The following SLC35F5 variants were observed in gnomAD, a reference collection of about 807,000 sequenced individuals.
SLC35F5 encodes the protein solute carrier family 35 member F5.
In SLC35F5, 54 loss-of-function variants were observed where a neutral mutation model predicts 68.6. That is an observed-to-expected ratio of 0.79 (90% CI 0.63 to 0.99). The LOEUF (loss-of-function observed/expected upper bound fraction) is 0.99, where lower values mean the gene tolerates loss of function less well. Ranked by LOEUF, SLC35F5 falls within the 50% of genes least tolerant of loss-of-function variation. The pLI, the probability that SLC35F5 is intolerant of heterozygous loss-of-function variation, is 0.00. For missense variants in SLC35F5, 567 were observed against 626.9 expected, an observed-to-expected ratio of 0.90 and a Z score of 1.02; for synonymous variants, 211 against 205.2, an observed-to-expected ratio of 1.03 and a Z score of -0.24.
intron 4 of SLC35F5, among the ~76,000 whole-genome samples, chr2:113,748,461 C>T (rs1676602643): frequency 2.0e-5 from 3 of 152,152 alleles, no homozygotes; most frequent in Admixed American, 2.0e-4. Flanking sequence ...GATACCGCAC[C>T]AGGCCCAATT....
At position 113,717,770 on chromosome 2, in the gene SLC35F5, G is replaced by T. The variant is rs1264886797; in HGVS notation, c.*5C>A. The T allele has an allele frequency of 1.9e-6, 3 of 1,610,520 alleles. No individual in the cohort carries two copies. In the African/African-American group the frequency reaches 4.0e-5, roughly 22 times the overall value. ...ATACAAACCTGGGCTACAGACAACA[G>T]ACAGCTAACTAGCTCCATCCTCCTG... On this transcript the variant is annotated 3_prime_UTR_variant, in exon 15 of 16. Transcript: ENST00000245680.
At chr2:113,729,294 C>T in intron 11 of SLC35F5, 107 bp downstream of exon 11, 1 of 578,932 alleles carries the variant, frequency 1.7e-6, no homozygotes, top group East Asian at 3.1e-5. Context: ...TTTAAAGAAT[C>T]ATACGGAAGA....
At chr2:113,754,305 G>GA (rs375660155) in intron 3 of SLC35F5, among the ~76,000 whole-genome samples, 6,400 of 117,368 alleles carry the variant, frequency 0.055, 293 homozygotes, top group African/African-American at 0.15. Context: ...AAAAAAAAAA[G>GA]AAAAAAAAAA....
intron 15 of SLC35F5, among the ~76,000 whole-genome samples, chr2:113,716,288 TCA>T (rs1313107714): frequency 9.2e-5 from 14 of 152,198 alleles, no homozygotes; most frequent in Admixed American, 7.2e-4. Flanking sequence ...CTCTTACTTT[TCA>T]CAGTTGGCCA....
chr2:113,747,452 G>C lies in SLC35F5; in HGVS notation c.418-1113C>G, dbSNP rs73955064. Among the ~76,000 whole-genome samples, 602 of 152,238 alleles carry C rather than the reference G, an allele frequency of 4.0e-3. 8 individuals are homozygous for C. Among genetic ancestry groups the C allele is most frequent in the African/African-American group, 0.014 (575 of 41,536 alleles). On this transcript the variant is annotated intron_variant, in intron 4 of 15. Transcript: ENST00000245680. The stretch of plus-strand genomic sequence containing the variant: ...AAAACTTGCCCAAGATCAAAAACTG[G>C]AGAGTGATAGAACAAGATTCAAACA...
chr2:113,728,307 T>A (rs554482949), intron 11 of SLC35F5, among the ~76,000 whole-genome samples: 1 of 152,250 alleles, frequency 6.6e-6, no homozygotes, highest in African/African-American at 2.4e-5. Flanking sequence ...TAGTCTTTTT[T>A]TAAAAAAAAT....
chr2:113,708,673 T>A lies in SLC35F5; in HGVS notation c.*6545A>T, dbSNP rs368138848. 6.6e-6 allele frequency among the ~76,000 whole-genome samples: 1 copy of A among 152,198 alleles called. No individual in the cohort carries two copies. Among genetic ancestry groups the A allele is most frequent in the Admixed American group, 6.5e-5 (1 of 15,274 alleles). ...GTGAGCCGAGATCGTGCCACTGCAC[T>A]TCAGCCTGGGCAATGGAGTGAGACT... On this transcript the variant is annotated 3_prime_UTR_variant, in exon 16 of 16. Transcript: ENST00000245680.
intron 3 of SLC35F5, among the ~76,000 whole-genome samples, chr2:113,752,722 C>T (rs961371489): frequency 2.6e-5 from 4 of 151,864 alleles, no homozygotes; most frequent in East Asian, 1.9e-4. Context: ...AAATGCAATG[C>T]GTGATCTTCA....
Position 113,708,785 on chromosome 2 carries a change from T to G in SLC35F5, c.*6433A>C, listed in dbSNP as rs533422370. Among the ~76,000 whole-genome samples, 29 of 152,334 alleles carry G rather than the reference T, an allele frequency of 1.9e-4. No individual in the cohort carries two copies. Among genetic ancestry groups the G allele is most frequent in the African/African-American group, 7.0e-4 (29 of 41,580 alleles). On this transcript the variant is annotated 3_prime_UTR_variant, in exon 16 of 16. Transcript: ENST00000245680. ...TTAATCATACACTCAAAATTTTAGC[T>G]TGGATTTGTTTTGCAACTGATTTGA...
intron 9 of SLC35F5, among the ~76,000 whole-genome samples, chr2:113,734,240 C>T (rs2104444126): frequency 6.6e-6 from 1 of 152,194 alleles, no homozygotes; most frequent in South Asian, 2.1e-4. Context: ...AAAATCAAAA[C>T]AAAGAGGGGA....
At position 113,719,265 on chromosome 2, in the gene SLC35F5, A is replaced by T; in HGVS notation, c.1385T>A (p.Phe462Tyr). The T allele has an allele frequency of 6.3e-7, 1 of 1,596,688 alleles. No individual in the cohort carries two copies. Among genetic ancestry groups the T allele is most frequent in the Non-Finnish European group, 8.5e-7 (1 of 1,177,190 alleles). The change falls in exon 14 of 16, where the codon TTT becomes TAT. Residue 462 changes from phenylalanine to tyrosine, a missense_variant. By Grantham distance (22) the Phe-to-Tyr change is conservative. Transcript: ENST00000245680. The part of the protein sequence containing the change: ...WLFFAGAIPV[F>Y]FSFFIVTLLC... ...GAGAGTTACAATAAAAAATGAAAAA[A>T]ATACAGGGATAGCTCCTGCAAAAAA...
intron 11 of SLC35F5, among the ~76,000 whole-genome samples, chr2:113,729,096 A>G (rs1056439425): frequency 2.0e-5 from 3 of 152,274 alleles, no homozygotes; most frequent in African/African-American, 4.8e-5. Context: ...CATGCTTGTA[A>G]GAGCATAAAT....
chr2:113,725,958 C>T (rs1026474991), intron 11 of SLC35F5: 3 of 153,578 alleles, frequency 2.0e-5, no homozygotes, highest in African/African-American at 7.2e-5. Context: ...ATGTCCAAAA[C>T]ACTTGTGCTT....
chr2:113,741,488 G>C (rs768112894), intron 7 of SLC35F5, among the ~76,000 whole-genome samples: 2 of 152,086 alleles, frequency 1.3e-5, no homozygotes, highest in Non-Finnish European at 2.9e-5. Flanking sequence ...AATCACCTGA[G>C]GTCAGAAGTT....
chr2:113,718,481 ATATT>A (rs1407526741), intron 14 of SLC35F5, among the ~76,000 whole-genome samples: 22 of 152,228 alleles, frequency 1.4e-4, no homozygotes, highest in Non-Finnish European at 2.9e-4. Context: ...AAAGTTTTCT[ATATT>A]TAAGTTTGTT....
At chr2:113,746,225 T>A in intron 5 of SLC35F5, 52 bp downstream of exon 5, 1 of 1,439,092 alleles carries the variant, frequency 6.9e-7, no homozygotes. Context: ...CAGTTTTTCC[T>A]ACCATGGCTC....
intron 4 of SLC35F5, among the ~76,000 whole-genome samples, chr2:113,747,002 T>A (rs2104473930): frequency 6.6e-6 from 1 of 151,502 alleles, no homozygotes; most frequent in East Asian, 1.9e-4. Flanking sequence ...AACCTCTGAA[T>A]GAGACCAAGC....
At chr2:113,750,911 AAGACAGG>A (rs905299739) in intron 3 of SLC35F5, among the ~76,000 whole-genome samples, 3 of 152,240 alleles carry the variant, frequency 2.0e-5, no homozygotes, top group African/African-American at 7.2e-5. Context: ...TGGGGAGACC[AAGACAGG>A]AAGATTGCTT....
chr2:113,748,746 G>A (rs1003435650), intron 4 of SLC35F5, among the ~76,000 whole-genome samples: 1 of 152,154 alleles, frequency 6.6e-6, no homozygotes, highest in African/African-American at 2.4e-5. Context: ...TTAAATTTGT[G>A]TGTGTACATG....
Sources: allele counts gnomAD v4.1 joint callset (sites outside exome capture counted in the v4.1 genomes callset), GRCh38; gene constraint gnomAD v4.1.1; transcripts MANE v1.5; gene names NCBI Gene and HGNC (gene_info 2026-07-23, HGNC 2026-07-21).